Variants in ZEB2 observed in about 807,000 individuals in gnomAD.
The protein encoded by ZEB2 is zinc finger E-box-binding homeobox 2.
In ZEB2, 6 loss-of-function variants were observed where a neutral mutation model predicts 99.9. The ratio of observed to expected loss-of-function variants is 0.06; its 90% CI spans 0.03 to 0.12. ZEB2 has a LOEUF of 0.12. ZEB2 is among the 10% of genes least tolerant of loss of function. ZEB2 has a pLI of 1.00. For synonymous variants in ZEB2, 517 were observed against 542.5 expected (o/e 0.95, Z 0.65); for missense variants, 969 against 1,502.8 (o/e 0.64, Z 5.87).
At chr2:144,432,404 G>C (rs1703785943) in intron 2 of ZEB2, among the ~76,000 whole-genome samples, 1 of 152,130 alleles carries the variant, frequency 6.6e-6, no homozygotes, top group Non-Finnish European at 1.5e-5. Context: ...CATTATGCTG[G>C]TGTGCCACTC....
chr2:144,425,473 C>T (rs1183560689), intron 3 of ZEB2, among the ~76,000 whole-genome samples: 2 of 152,144 alleles, frequency 1.3e-5, no homozygotes, highest in African/African-American at 4.8e-5. Context: ...ATTCCTATCC[C>T]AACTACTCCA....
intron 2 of ZEB2, chr2:144,513,319 G>C: frequency 7.7e-7 from 1 of 1,297,626 alleles, no homozygotes; most frequent in South Asian, 1.2e-5. Flanking sequence ...AAAGCCCTGA[G>C]AACATTCAAC....
intron 2 of ZEB2, chr2:144,450,534 TTAATTCCAGGTA>T (rs1704042377): frequency 6.6e-6 from 1 of 152,218 alleles, no homozygotes; most frequent in African/African-American, 2.4e-5. Context: ...GTACCATTTA[TTAATTCCAGGTA>T]TACCACTGGA....
At chr2:144,431,971 G>C (rs1432929444) in intron 2 of ZEB2, among the ~76,000 whole-genome samples, 1 of 149,086 alleles carries the variant, frequency 6.7e-6, no homozygotes, top group Non-Finnish European at 1.5e-5. Context: ...ATCTAAGGCT[G>C]GACAGGCATT....
intron 2 of ZEB2, among the ~76,000 whole-genome samples, chr2:144,437,897 A>G (rs960266329): frequency 2.0e-5 from 3 of 152,188 alleles, no homozygotes; most frequent in African/African-American, 4.8e-5. Flanking sequence ...CACGAAATAG[A>G]AAAACTATAA....
chr2:144,498,285 C>T (rs1704818225), intron 2 of ZEB2, among the ~76,000 whole-genome samples: 1 of 149,114 alleles, frequency 6.7e-6, no homozygotes, highest in Non-Finnish European at 1.5e-5. Context: ...GGTCCTCGCG[C>T]TCTATTGACA....
At chr2:144,416,760 G>A (rs190700453) in intron 4 of ZEB2, among the ~76,000 whole-genome samples, 2 of 152,182 alleles carry the variant, frequency 1.3e-5, no homozygotes, top group East Asian at 1.9e-4. Context: ...TGTGCACAGA[G>A]GCATACCCAG....
intron 6 of ZEB2, 57 bp downstream of exon 6, chr2:144,403,859 A>G: frequency 1.2e-6 from 2 of 1,602,372 alleles, no homozygotes; most frequent in Admixed American, 1.7e-5. Flanking sequence ...AATCAAAGCA[A>G]TATCGTTTCT....
chr2:144,422,951 C>G (rs1346295233), intron 4 of ZEB2, among the ~76,000 whole-genome samples: 1 of 151,998 alleles, frequency 6.6e-6, no homozygotes, highest in Non-Finnish European at 1.5e-5. Flanking sequence ...AAATGATAAC[C>G]ATGTTTTAGT....
chr2:144,403,263 C>A (rs1481249681), intron 6 of ZEB2, among the ~76,000 whole-genome samples: 2 of 151,862 alleles, frequency 1.3e-5, no homozygotes, highest in South Asian at 4.1e-4. Context: ...ATTTTTGAGA[C>A]AAGTAAGCAA....
chr2:144,440,634 C>T (rs1703902645), intron 2 of ZEB2, among the ~76,000 whole-genome samples: 1 of 151,032 alleles, frequency 6.6e-6, no homozygotes, highest in African/African-American at 2.5e-5. Flanking sequence ...ACAATTGAGT[C>T]ACACGCATGG....
At chr2:144,400,642 G>C (rs1703298113) in intron 7 of ZEB2, among the ~76,000 whole-genome samples, 1 of 152,176 alleles carries the variant, frequency 6.6e-6, no homozygotes, top group Non-Finnish European at 1.5e-5. Context: ...TAAACTTTGT[G>C]GAGATTCCAT....
chr2:144,404,972 T>G lies in ZEB2; in HGVS notation c.456A>C (p.Lys152Asn). The G allele has an allele frequency of 6.2e-7, 1 of 1,614,226 alleles. No homozygotes were observed. Among genetic ancestry groups the G allele is most frequent in the South Asian group, 1.1e-5 (1 of 91,084 alleles). The part of the protein sequence containing the change: ...SDFEEYFAKR[K>N]LEERDGHAVS... ...CTGCATGACCATCGCGTTCCTCCAG[T>G]TTTCTTTTGGCAAAGTATTCCTCAA... is the stretch of plus-strand genomic sequence containing the variant. Residue 152 changes from lysine to asparagine, a missense_variant, in exon 5 of 10, where the codon AAA becomes AAC. Lys to Asn is a moderately conservative substitution (Grantham distance 94). This residue lies in a region of ZEB2 where 173 missense variants were observed against 217.7 expected (regional missense o/e 0.79). Transcript: ENST00000627532.
chr2:144,494,035 C>T (rs1199978869), intron 2 of ZEB2, among the ~76,000 whole-genome samples: 1 of 151,318 alleles, frequency 6.6e-6, no homozygotes, highest in Admixed American at 6.6e-5. Flanking sequence ...ACCTGTAGTC[C>T]CAGCTACTCG....
rs1365495240 is a variant in ZEB2, at chr2:144,389,425, T to C, written c.*26A>G. On this transcript the variant is annotated 3_prime_UTR_variant, in exon 10 of 10. Coordinates refer to ENST00000627532, the MANE Select transcript of ZEB2 (RefSeq NM_014795.4). The surrounding 1 kb of genome is among the most constrained non-coding windows in gnomAD (Gnocchi z 6.8). ...GTAACAATACTACTGGAAAAAAAAA[T>C]AGGAAGCTTAAAATGCAGTAGTTTA... The C allele has an allele frequency of 6.8e-6, 11 of 1,612,520 alleles. No individual in the cohort carries two copies. The highest frequency in any genetic ancestry group is 2.2e-5 in the South Asian group (2 of 91,028).
At chr2:144,464,778 T>G (rs1247159992) in intron 2 of ZEB2, among the ~76,000 whole-genome samples, 1 of 152,162 alleles carries the variant, frequency 6.6e-6, no homozygotes, top group Non-Finnish European at 1.5e-5. Context: ...TATTGAAAGA[T>G]TAAAACCTCT....
chr2:144,435,977 G>T (rs1049517402), intron 2 of ZEB2, among the ~76,000 whole-genome samples: 8 of 151,524 alleles, frequency 5.3e-5, no homozygotes, highest in African/African-American at 1.9e-4. Flanking sequence ...TGCTTGGGTG[G>T]GTAAAGATCA....
chr2:144,496,956 T>A (rs1047006493), intron 2 of ZEB2: 12 of 152,254 alleles, frequency 7.9e-5, no homozygotes, highest in African/African-American at 2.6e-4. Flanking sequence ...AAATATGGGA[T>A]AGGACATTCT....
chr2:144,407,185 T>G (rs931953453), intron 4 of ZEB2, among the ~76,000 whole-genome samples: 9 of 152,360 alleles, frequency 5.9e-5, no homozygotes, highest in African/African-American at 1.9e-4. Context: ...TCCTGAATGC[T>G]GTGATCTCAA....
Sources: gnomAD v4.1 joint callset for allele counts (sites outside exome capture counted in the v4.1 genomes callset) on GRCh38, gnomAD v4.1.1 for gene constraint, gnomAD v4.1.1 regional missense constraint, Gnocchi (gnomAD v3.1) non-coding constraint, MANE v1.5 for transcripts, NCBI Gene and HGNC (gene_info 2026-07-23, HGNC 2026-07-21) for gene names.